CAB39: variants seen among roughly 807,000 people sequenced by gnomAD.
CAB39 encodes calcium-binding protein 39.
A neutral mutation model predicts 40.0 loss-of-function variants in CAB39; 8 were observed. That is an observed-to-expected ratio of 0.20 (90% CI 0.12 to 0.36). The LOEUF is 0.36. Among genes scored for constraint, CAB39 ranks in the 10% least tolerant of loss-of-function variants. The pLI, the probability that CAB39 is intolerant of heterozygous loss-of-function variation, is 1.00. For missense variants in CAB39, 270 were observed against 401.1 expected, an observed-to-expected ratio of 0.67 and a Z score of 2.79; for synonymous variants, 156 against 141.6, an observed-to-expected ratio of 1.10 and a Z score of -0.72.
intron 8 of CAB39, chr2:230,818,219 G>A: frequency 2.2e-6 from 1 of 450,944 alleles, no homozygotes; most frequent in South Asian, 3.8e-5. Flanking sequence ...CTGACCTCTT[G>A]TGCTGAGAAA....
intron 7 of CAB39, among the ~76,000 whole-genome samples, chr2:230,815,401 AGT>A (rs1050319628): frequency 3.3e-5 from 5 of 152,124 alleles, no homozygotes; most frequent in African/African-American, 1.2e-4. Context: ...CCTGGACATC[AGT>A]GTGTGAGAGA....
Position 230,818,680 on chromosome 2 carries a change from G to A in CAB39, c.1002G>A (p.Lys334=), listed in dbSNP as rs1021320613. 1.9e-6 allele frequency: 3 copies of A among 1,614,022 alleles called. No homozygotes were observed. The highest frequency in any genetic ancestry group is 2.5e-6 in the Non-Finnish European group (3 of 1,179,908). Residue 334 remains lysine (K), a synonymous_variant, in exon 9 of 9, where the codon AAG becomes AAA. Coordinates refer to ENST00000258418, the MANE Select transcript of CAB39 (RefSeq NM_016289.4). ...TAGTTAAACAGATCAGGGATTTGAAGAGACCAGCTCAGCAAGAAGCTTAAT... is the reference window on the plus strand; with the variant it reads ...TAGTTAAACAGATCAGGGATTTGAAAAGACCAGCTCAGCAAGAAGCTTAAT... The part of the protein sequence containing the change: ...TYLVKQIRDL[K]RPAQQEA
At chr2:230,724,719 A>AAC (rs1559588517) in intron 1 of CAB39, among the ~76,000 whole-genome samples, 1 of 150,962 alleles carries the variant, frequency 6.6e-6, no homozygotes, top group African/African-American at 2.4e-5. Flanking sequence ...AAAAAAAAAA[A>AAC]AAACCTCTAT....
At chr2:230,756,320 A>C (rs953003280) in intron 1 of CAB39, among the ~76,000 whole-genome samples, 2 of 152,250 alleles carry the variant, frequency 1.3e-5, no homozygotes, top group Non-Finnish European at 2.9e-5. Context: ...ACAGCATGTT[A>C]CTGTGTTGAA....
intron 1 of CAB39, among the ~76,000 whole-genome samples, chr2:230,733,716 C>T (rs1041119551): frequency 5.3e-5 from 8 of 152,182 alleles, no homozygotes; most frequent in African/African-American, 1.9e-4. Context: ...TAGCAGTATT[C>T]CTATACTTAC....
chr2:230,782,813 CT>C (rs1212977897), intron 2 of CAB39, among the ~76,000 whole-genome samples: 95 of 81,756 alleles, frequency 1.2e-3, no homozygotes, highest in Middle Eastern at 7.1e-3. Context: ...TTCTTTCTTT[CT>C]TTTTTTTTTT....
At chr2:230,748,679 A>C (rs1278312614) in intron 1 of CAB39, among the ~76,000 whole-genome samples, 1 of 151,132 alleles carries the variant, frequency 6.6e-6, no homozygotes, top group Non-Finnish European at 1.5e-5. Flanking sequence ...GGTGGCACCC[A>C]CCTGTAGTCC....
intron 1 of CAB39, among the ~76,000 whole-genome samples, chr2:230,751,036 A>C (rs1241865847): frequency 6.6e-6 from 1 of 152,254 alleles, no homozygotes; most frequent in Non-Finnish European, 1.5e-5. Flanking sequence ...GTTTTAATTA[A>C]GTAACATTAA....
intron 1 of CAB39, among the ~76,000 whole-genome samples, chr2:230,741,486 G>A (rs1694876288): frequency 6.6e-6 from 1 of 152,140 alleles, no homozygotes; most frequent in South Asian, 2.1e-4. Context: ...ACTGGGATAA[G>A]GTCTAGGAAT....
intron 1 of CAB39, among the ~76,000 whole-genome samples, chr2:230,738,963 C>T (rs1694831390): frequency 6.6e-6 from 1 of 152,200 alleles, no homozygotes; most frequent in African/African-American, 2.4e-5. Context: ...AGAACCATAG[C>T]ATTTCCAATC....
At chr2:230,817,016 C>T (rs1338387095) in intron 7 of CAB39, among the ~76,000 whole-genome samples, 2 of 152,228 alleles carry the variant, frequency 1.3e-5, no homozygotes, top group African/African-American at 2.4e-5. Context: ...GAAGAAGTGA[C>T]TGCTGGTTTT....
intron 5 of CAB39, among the ~76,000 whole-genome samples, chr2:230,808,043 A>G (rs1180992869): frequency 6.6e-6 from 1 of 150,410 alleles, no homozygotes; most frequent in East Asian, 1.9e-4. Flanking sequence ...GCTCTGTGCC[A>G]GGCACTTTTT....
At chr2:230,741,462 CT>C (rs1374592671) in intron 1 of CAB39, among the ~76,000 whole-genome samples, 3 of 152,188 alleles carry the variant, frequency 2.0e-5, no homozygotes, top group Admixed American at 6.5e-5. Flanking sequence ...GTATTTGCCC[CT>C]GGCTTGGCTT....
chr2:230,716,855 C>T (rs900937692), intron 1 of CAB39, among the ~76,000 whole-genome samples: 5 of 152,130 alleles, frequency 3.3e-5, no homozygotes, highest in Non-Finnish European at 5.9e-5. Flanking sequence ...AAAAAATTAG[C>T]CGGGCATGGT....
In CAB39 at chr2:230,791,070, T is replaced by G. The variant is rs186295265; in HGVS notation, c.279+34T>G. ...TCAATTTCTTATTTTTAAAAAACAGTACCCTGTGCATAATTCTTTTCCATA... is the reference window on the plus strand; with the variant it reads ...TCAATTTCTTATTTTTAAAAAACAGGACCCTGTGCATAATTCTTTTCCATA... On this transcript the variant is annotated intron_variant, in intron 3 of 8. Transcript: ENST00000258418. 48 of 1,438,280 alleles carry G rather than the reference T, an allele frequency of 3.3e-5. No individual in the cohort carries two copies. In the East Asian group the frequency reaches 8.9e-4, roughly 27 times the overall value. 89.1% of individuals were successfully genotyped at this position (1,438,280 alleles called of 1,614,324 possible).
intron 5 of CAB39, among the ~76,000 whole-genome samples, chr2:230,802,110 C>T (rs189572200): frequency 1.4e-3 from 211 of 152,212 alleles, no homozygotes; most frequent in African/African-American, 4.8e-3. Context: ...TGGTTTCTGC[C>T]ACTCAAAACC....
At chr2:230,784,260 GATATCAGGC>G (rs1695749436) in intron 2 of CAB39, among the ~76,000 whole-genome samples, 1 of 152,166 alleles carries the variant, frequency 6.6e-6, no homozygotes, top group Non-Finnish European at 1.5e-5. Context: ...AACAAGGCAG[GATATCAGGC>G]ACTAGGGCGA....
At chr2:230,733,244 T>A (rs936801152) in intron 1 of CAB39, among the ~76,000 whole-genome samples, 9 of 152,126 alleles carry the variant, frequency 5.9e-5, no homozygotes, top group Non-Finnish European at 1.2e-4. Context: ...TTTGCCCTAG[T>A]TTGGATGATA....
intron 1 of CAB39, among the ~76,000 whole-genome samples, chr2:230,734,640 T>C (rs1265145036): frequency 6.6e-6 from 1 of 152,210 alleles, no homozygotes; most frequent in East Asian, 1.9e-4. Context: ...CATAGACTTC[T>C]TGGTTATTTG....
Sources: gnomAD v4.1 joint callset for allele counts (sites outside exome capture counted in the v4.1 genomes callset) on GRCh38, gnomAD v4.1.1 for gene constraint, MANE v1.5 for transcripts, NCBI Gene and HGNC (gene_info 2026-07-23, HGNC 2026-07-21) for gene names.